Variants in STK32A observed in about 807,000 individuals in gnomAD.
The protein encoded by STK32A is serine/threonine kinase 32A, also known as serine/threonine-protein kinase 32A.
STK32A carries 41 observed loss-of-function variants against 53.2 expected under a neutral mutation model. The observed-to-expected ratio is 0.77, with a 90% CI of 0.60 to 1.00. STK32A has a LOEUF of 1.00. Ranked by LOEUF, STK32A falls within the 50% of genes least tolerant of loss-of-function variation. The pLI is 0.00. For synonymous variants in STK32A, 166 were observed against 162.8 expected (o/e 1.02, Z -0.15); for missense variants, 458 against 485.8 (o/e 0.94, Z 0.54).
chr5:147,348,964 A>G (rs1367828746), intron 6 of STK32A: 3 of 469,684 alleles, frequency 6.4e-6, no homozygotes, highest in Middle Eastern at 6.1e-4. Flanking sequence ...AGTTAGTGGT[A>G]GAACCTAGAC....
the STK32A span, chr5:147,395,488 C>T: frequency 3.3e-6 from 5 of 1,528,968 alleles, no homozygotes; most frequent in African/African-American, 4.1e-5. Flanking sequence ...CTGAGGAACA[C>T]CCTGTGGCCT....
intron 2 of STK32A, among the ~76,000 whole-genome samples, chr5:147,250,821 A>G (rs1351934150): frequency 6.6e-6 from 1 of 151,822 alleles, no homozygotes; most frequent in African/African-American, 2.4e-5. Flanking sequence ...GGGTGCCTGT[A>G]GTCCCAGCTA....
chr5:147,324,865 T>A (rs1264097476), intron 5 of STK32A, among the ~76,000 whole-genome samples: 1 of 152,210 alleles, frequency 6.6e-6, no homozygotes, highest in Non-Finnish European at 1.5e-5. Flanking sequence ...AAACAACTAG[T>A]GTTTACTGGT....
At chr5:147,259,829 T>TTC (rs60365153) in intron 2 of STK32A, among the ~76,000 whole-genome samples, 42,286 of 144,222 alleles carry the variant, frequency 0.29, 6,468 homozygotes, top group Admixed American at 0.36. Context: ...TCTCTCTTGT[T>TTC]TCTCTCTCCT....
At chr5:147,372,901 C>G (rs1048049970) in intron 9 of STK32A, among the ~76,000 whole-genome samples, 1 of 152,014 alleles carries the variant, frequency 6.6e-6, no homozygotes, top group African/African-American at 2.4e-5. Context: ...ATTTAGAGAA[C>G]AAATTTGCCC....
chr5:147,352,969 C>T (rs1193015121), intron 7 of STK32A, among the ~76,000 whole-genome samples: 1 of 152,138 alleles, frequency 6.6e-6, no homozygotes, highest in East Asian at 1.9e-4. Context: ...CACCACAAGT[C>T]CCAATAGAGC....
chr5:147,238,086 A>T (rs1241015479), intron 1 of STK32A, among the ~76,000 whole-genome samples: 1 of 152,258 alleles, frequency 6.6e-6, no homozygotes, highest in African/African-American at 2.4e-5. Context: ...CATTATATGT[A>T]TCCATGACCA....
At chr5:147,394,237 G>T in the STK32A span, 2 of 1,048,562 alleles carry the variant, frequency 1.9e-6, no homozygotes, top group Non-Finnish European at 1.4e-6. Flanking sequence ...GAAGTGCCTT[G>T]CTGGCCTCAC....
chr5:147,259,365 G>A (rs1454398060), intron 2 of STK32A, among the ~76,000 whole-genome samples: 1 of 151,946 alleles, frequency 6.6e-6, no homozygotes, highest in African/African-American at 2.4e-5. Context: ...AATGTATTCG[G>A]GCCATCCGCG....
intron 2 of STK32A, among the ~76,000 whole-genome samples, chr5:147,262,651 T>C (rs1754635659): frequency 6.6e-6 from 1 of 152,036 alleles, no homozygotes; most frequent in African/African-American, 2.4e-5. Context: ...GAACACATTC[T>C]TCTACATCCA....
At chr5:147,264,050 A>C (rs558552480) in intron 2 of STK32A, among the ~76,000 whole-genome samples, 13 of 152,240 alleles carry the variant, frequency 8.5e-5, no homozygotes, top group Non-Finnish European at 1.5e-4. Context: ...ATTCTGAAGG[A>C]AACAATTTCC....
intron 2 of STK32A, among the ~76,000 whole-genome samples, chr5:147,242,241 G>A (rs1753614903): frequency 6.6e-6 from 1 of 152,148 alleles, no homozygotes; most frequent in Non-Finnish European, 1.5e-5. Context: ...AAGGTGCTAG[G>A]CTCTCTGTCT....
At chr5:147,236,423 T>A (rs941354412) in intron 1 of STK32A, among the ~76,000 whole-genome samples, 3 of 151,978 alleles carry the variant, frequency 2.0e-5, no homozygotes, top group African/African-American at 7.3e-5. Context: ...CAGGAAGGGC[T>A]GGGGGGTTGG....
At chr5:147,278,965 ACATGGAGGCAGCT>A (rs1452785586) in intron 3 of STK32A, among the ~76,000 whole-genome samples, 1 of 152,220 alleles carries the variant, frequency 6.6e-6, no homozygotes, top group Non-Finnish European at 1.5e-5. Context: ...AATATTCCTG[ACATGGAGGCAGCT>A]ATTTTCACCA....
intron 4 of STK32A, among the ~76,000 whole-genome samples, chr5:147,293,001 TG>T (rs1752677619): frequency 6.6e-6 from 1 of 152,236 alleles, no homozygotes; most frequent in South Asian, 2.1e-4. Context: ...CATAATCCAT[TG>T]ATATGATTTC....
At chr5:147,266,228 G>A (rs6886891) in intron 2 of STK32A, among the ~76,000 whole-genome samples, 42,747 of 152,012 alleles carry the variant, frequency 0.28, 6,268 homozygotes, top group Admixed American at 0.35. Context: ...GTTGTGAAGC[G>A]GATGGAGTCC....
chr5:147,389,596 C>A (rs1757748921), downstream of STK32A, among the ~76,000 whole-genome samples: 1 of 152,150 alleles, frequency 6.6e-6, no homozygotes, highest in African/African-American at 2.4e-5. Flanking sequence ...ATAAAAAGAG[C>A]TTTCCTGGCC....
chr5:147,396,879 A>AG, the STK32A span, among the ~76,000 whole-genome samples: 5 of 149,576 alleles, frequency 3.3e-5, no homozygotes, highest in Admixed American at 3.3e-4. Context: ...ATATATATAT[A>AG]TATATAGTGT....
intron 4 of STK32A, among the ~76,000 whole-genome samples, chr5:147,284,704 C>CAAAAAAAAAAAAAAAAAA (rs746647540): frequency 1.3e-5 from 1 of 78,008 alleles, no homozygotes; most frequent in African/African-American, 3.6e-5. Flanking sequence ...AACAAAAAAA[C>CAAAAAAAAAAAAAAAAAA]AACAAAAAAA....
Sources: allele counts gnomAD v4.1 joint callset (sites outside exome capture counted in the v4.1 genomes callset), GRCh38; gene constraint gnomAD v4.1.1; transcripts MANE v1.5; gene names NCBI Gene and HGNC (gene_info 2026-07-23, HGNC 2026-07-21).